Variants in FHOD1 observed in about 807,000 individuals in gnomAD.
FHOD1 encodes FH1/FH2 domain-containing protein 1.
Under a neutral mutation model 111.6 loss-of-function variants are expected in FHOD1, and 89 were observed. The ratio of observed to expected loss-of-function variants is 0.80; its 90% CI spans 0.67 to 0.95. FHOD1 has a LOEUF of 0.95. FHOD1 is among the 40% of genes least tolerant of loss of function. The pLI is 0.00. For synonymous variants in FHOD1, 618 were observed against 639.0 expected (o/e 0.97, Z 0.50); for missense variants, 1,446 against 1,554.2 (o/e 0.93, Z 1.17).
rs1276797977 is a variant in FHOD1 at position 67,239,367 on chromosome 16, C to T, written c.289G>A (p.Gly97Ser). 1 of 1,614,136 alleles carries T rather than the reference C, an allele frequency of 6.2e-7. No individual in the cohort carries two copies. The highest frequency in any genetic ancestry group is 1.1e-5 in the South Asian group (1 of 91,088). The change falls in exon 2 of 22, where the codon GGC becomes AGC. Residue 97 changes from glycine to serine, a missense_variant. Gly to Ser is a moderately conservative substitution (Grantham distance 56). Transcript: ENST00000258201. ...TCTGACCTGATCTCTTCATAGAAGCCCTCCAGCATCTCCCGCTGCTCTTCC... is the reference window on the plus strand; with the variant it reads ...TCTGACCTGATCTCTTCATAGAAGCTCTCCAGCATCTCCCGCTGCTCTTCC... ...SLEEQREMLEGFYEEISKGRK... is the reference protein window; with the variant it reads ...SLEEQREMLESFYEEISKGRK...
chr16:67,233,801 C>T lies in FHOD1; in HGVS notation c.1902G>A (p.Leu634=). Residue 634 remains leucine, a synonymous_variant, in exon 13 of 22, where the codon CTG becomes CTA. Coordinates refer to ENST00000258201, the MANE Select transcript of FHOD1 (RefSeq NM_013241.3). ...RKTVKLFWRE[L]KLAGGHGVSA... is the part of the protein sequence containing the mutation. ...AGACTCCATGGCCCCCAGCCAGCTTCAGCTCACGCCAGAAAAGTTTTACTG... is the reference window on the plus strand; with the variant it reads ...AGACTCCATGGCCCCCAGCCAGCTTTAGCTCACGCCAGAAAAGTTTTACTG... 6.2e-7 allele frequency: 1 copy of T among 1,613,778 alleles called. No homozygotes were observed. Among genetic ancestry groups the T allele is most frequent in the Non-Finnish European group, 8.5e-7 (1 of 1,179,980 alleles).
rs143599090 is a variant in FHOD1 at position 67,240,912 on chromosome 16, A to G, written c.202-1458T>C. ...GGTCTCCATCTTACTGGGCATGTCA[A>G]TTCCAACATTTGTCCTGCTGTTTGG... On this transcript the variant is annotated intron_variant, in intron 1 of 21. Transcript: ENST00000258201. Among the ~76,000 whole-genome samples the G allele has an allele frequency of 2.2e-4, 33 of 152,318 alleles. No homozygotes were observed. In the East Asian group the frequency reaches 3.1e-3, roughly 14 times the overall value.
In FHOD1 at chr16:67,231,223, A is replaced by G. The variant is rs2034255397; in HGVS notation, c.2632T>C (p.Tyr878His). 1 of 1,614,104 alleles carries G rather than the reference A, an allele frequency of 6.2e-7. No individual in the cohort carries two copies. The highest frequency in any genetic ancestry group is 1.7e-5 in the Admixed American group (1 of 60,010). ...LQTRPESSDL[Y>H]SEIPALTRCA... Reference sequence around the variant, plus strand: ...CGGGTCAGGGCAGGGATTTCTGAATAGAGGTCAGAGGACTCAGGCCGGGTC... The same window carrying G: ...CGGGTCAGGGCAGGGATTTCTGAATGGAGGTCAGAGGACTCAGGCCGGGTC... The change falls in exon 17 of 22, where the codon TAT becomes CAT. Residue 878 changes from tyrosine (Y) to histidine (H), a missense_variant. Tyr to His is a moderately conservative substitution (Grantham distance 83). Around this residue, in one of 3 missense-constraint regions of FHOD1, gnomAD observed 1,085 missense variants for 1,108.8 expected, o/e 0.98. Transcript: ENST00000258201. The surrounding 1 kb of genome is among the most constrained non-coding windows in gnomAD (Gnocchi z 4.3).
At position 67,236,984 on chromosome 16, in the gene FHOD1, G is replaced by C; in HGVS notation, c.1124C>G (p.Ala375Gly). The stretch of plus-strand genomic sequence containing the variant: ...TACTTACCCAGGTTCCGGGGCACGC[G>C]CGGGGCAGCCCCCGCCTTCCAGAGA... ...RRSLEGGGCP[A>G]RAPEPGPTGP... The change falls in exon 10 of 22, where the codon GCG becomes GGG. Residue 375 changes from alanine (A) to glycine (G), a missense_variant. Around this residue, in one of 3 missense-constraint regions of FHOD1, gnomAD observed 1,085 missense variants for 1,108.8 expected, o/e 0.98. Transcript: ENST00000258201. 1 of 1,598,638 alleles carries C rather than the reference G, an allele frequency of 6.3e-7. No individual in the cohort carries two copies. The highest frequency in any genetic ancestry group is 1.4e-5 in the African/African-American group (1 of 73,992).
Position 67,232,518 on chromosome 16 carries a change from CAAAAAAA to C in FHOD1, c.2047-331_2047-325del, listed in dbSNP as rs988902359. ...TGGGTGACTGAGCAAGACTCTGTCT[CAAAAAAA>C]AAAAAAAAAAAAAAAAGACTGAGGA... On this transcript the variant is annotated intron_variant, in intron 13 of 21. Transcript: ENST00000258201. Among the ~76,000 whole-genome samples the C allele has an allele frequency of 1.4e-4, 7 of 48,626 alleles. No individual in the cohort carries two copies. The South Asian group carries it at 2.0e-3, about 14-fold the overall frequency. 31.9% of individuals were successfully genotyped at this position (48,626 alleles called of 152,430 possible).
intron 1 of FHOD1, among the ~76,000 whole-genome samples, chr16:67,240,300 G>T (rs2034629874): frequency 6.6e-6 from 1 of 152,204 alleles, no homozygotes. Flanking sequence ...GCTGAGGAGG[G>T]TGGATCGCCT....
At position 67,231,510 on chromosome 16, in the gene FHOD1, C is replaced by T; in HGVS notation, c.2425G>A (p.Glu809Lys). 1.2e-6 allele frequency: 2 copies of T among 1,614,146 alleles called. No homozygotes were observed. Among genetic ancestry groups the T allele is most frequent in the Non-Finnish European group, 8.5e-7 (1 of 1,180,018 alleles). The change falls in exon 16 of 22, where the codon GAA becomes AAA. Residue 809 changes from glutamate (E) to lysine (K), a missense_variant. This residue lies in a region of FHOD1 where 1,085 missense variants were observed against 1,108.8 expected (regional missense o/e 0.98). Coordinates refer to ENST00000258201, the MANE Select transcript of FHOD1 (RefSeq NM_013241.3). The surrounding 1 kb of genome is among the most constrained non-coding windows in gnomAD (Gnocchi z 4.3). The part of the protein sequence containing the change: ...EPLFDLKVGM[E>K]QLVQNATFRC... ...AAGGTGGCATTCTGTACCAGCTGTT[C>T]CATACCCACTTTCAGGTCAAACAGT...
At chr16:67,229,761 G>A in intron 21 of FHOD1, 32 bp downstream of exon 21, 1 of 1,614,140 alleles carries the variant, frequency 6.2e-7, no homozygotes, top group Non-Finnish European at 8.5e-7. Flanking sequence ...ATGGGGTTCA[G>A]GTGGGCAGTG....
chr16:67,235,147 G>C (rs992244785), intron 11 of FHOD1, among the ~76,000 whole-genome samples: 1 of 152,182 alleles, frequency 6.6e-6, no homozygotes, highest in African/African-American at 2.4e-5. Context: ...CTTAGAGCAG[G>C]GGAAGGGGAT....
Position 67,231,923 on chromosome 16 carries a change from G to A in FHOD1, c.2203-104C>T. 2.6e-6 allele frequency: 4 copies of A among 1,540,868 alleles called. No homozygotes were observed. Among genetic ancestry groups the A allele is most frequent in the Non-Finnish European group, 3.5e-6 (4 of 1,138,318 alleles). ...CATCTAGGGGAGGCCCCAGTGTCTG[G>A]GGACTGCCCTGCAGAAATGCCAAGC... On this transcript the variant is annotated intron_variant, in intron 14 of 21. Transcript: ENST00000258201. This position sits in a 1 kb window ranked among gnomAD's most constrained non-coding sequence, Gnocchi z 4.3.
At position 67,230,793 on chromosome 16, in the gene FHOD1, T is replaced by C; in HGVS notation, c.2668-2A>G. ...CTCAGTCAGCTGTTCAAAGTCCACCTGAGAAAGCAAGGGGGTGCACATACT... is the reference window on the plus strand; with the variant it reads ...CTCAGTCAGCTGTTCAAAGTCCACCCGAGAAAGCAAGGGGGTGCACATACT... On this transcript the variant is annotated splice_acceptor_variant, in intron 17 of 21. Coordinates refer to ENST00000258201, the MANE Select transcript of FHOD1 (RefSeq NM_013241.3). LOFTEE classifies it high-confidence loss of function. 6.3e-7 allele frequency: 1 copy of C among 1,585,464 alleles called. No individual in the cohort carries two copies. Among genetic ancestry groups the C allele is most frequent in the Non-Finnish European group, 8.6e-7 (1 of 1,165,288 alleles).
intron 13 of FHOD1, 77 bp from the exon 14 acceptor site, chr16:67,232,271 A>C (rs1432891703): frequency 1.0e-5 from 15 of 1,505,648 alleles, no homozygotes; most frequent in African/African-American, 1.4e-5. Context: ...TAATCCCAGC[A>C]CTTTGGGAGG....
At position 67,236,689 on chromosome 16, in the gene FHOD1, C is replaced by G. The variant is rs1226615994; in HGVS notation, c.1187G>C (p.Gly396Ala). 1 of 1,591,344 alleles carries G rather than the reference C, an allele frequency of 6.3e-7. No individual in the cohort carries two copies. The highest frequency in any genetic ancestry group is 8.6e-7 in the Non-Finnish European group (1 of 1,168,810). Residue 396 changes from glycine (G) to alanine (A), a missense_variant, in exon 11 of 22, where the codon GGC becomes GCC. Transcript: ENST00000258201. The stretch of plus-strand genomic sequence containing the variant: ...GGCGGGGCCTGTCAGCAGGGCGGGG[C>G]CGGTGGAAGAGGTGGGGCCTACCGG... ...ASPVGPTSST[G>A]PALLTGPASS...
Position 67,237,826 on chromosome 16 carries a change from TGCTGGGGAAGGGGAAGGGCTGCTGGG to T in FHOD1, c.643-84_643-59del. 1.3e-6 allele frequency: 2 copies of T among 1,519,330 alleles called. No homozygotes were observed. Among genetic ancestry groups the T allele is most frequent in the Non-Finnish European group, 1.8e-6 (2 of 1,094,842 alleles). The allele number at this position is 1,519,330 out of a possible 1,614,324, so 94.1% of individuals were successfully genotyped here. On this transcript the variant is annotated intron_variant, in intron 6 of 21. Coordinates refer to ENST00000258201, the MANE Select transcript of FHOD1 (RefSeq NM_013241.3). The surrounding 1 kb of genome is among the most constrained non-coding windows in gnomAD (Gnocchi z 5.6). The stretch of plus-strand genomic sequence containing the variant: ...CTTAGGCCAGACCTGTGCCAGCTGT[TGCTGGGGAAGGGGAAGGGCTGCTGGG>T]GCTGGACCCAGAGAGAATCTAGGCA...
chr16:67,244,822 G>A (rs2034766181), intron 1 of FHOD1, among the ~76,000 whole-genome samples: 1 of 152,152 alleles, frequency 6.6e-6, no homozygotes, highest in Admixed American at 6.5e-5. Flanking sequence ...TCTTATTTCT[G>A]CCCTACAGCT....
intron 11 of FHOD1, chr16:67,234,856 C>G: frequency 5.9e-6 from 1 of 170,426 alleles, no homozygotes; most frequent in Non-Finnish European, 1.3e-5. Context: ...TGCAGCCTCA[C>G]TCTCCTGGGC....
intron 1 of FHOD1, among the ~76,000 whole-genome samples, chr16:67,241,959 T>C (rs2034679882): frequency 6.6e-6 from 1 of 151,872 alleles, no homozygotes; most frequent in African/African-American, 2.4e-5. Flanking sequence ...GTCCTGAAGG[T>C]TAAATAGTCC....
chr16:67,232,816 ATTTTT>A (rs569365125), intron 13 of FHOD1, among the ~76,000 whole-genome samples: 1 of 144,716 alleles, frequency 6.9e-6, no homozygotes, highest in African/African-American at 2.5e-5. Context: ...ATACCCAACT[ATTTTT>A]TTTTTTAACA....
chr16:67,233,750 G>A lies in FHOD1; in HGVS notation c.1953C>T (p.Ala651=). ...CAGGGTCCAGTGAAGCCCAGAGGGT[G>A]GCGCAGGGCCCAAAGCGGCTTGCAG... is the stretch of plus-strand genomic sequence containing the variant. The part of the protein sequence containing the change: ...GVSASRFGPC[A]TLWASLDPVS... Residue 651 remains alanine, a synonymous_variant, in exon 13 of 22, where the codon GCC becomes GCT. Coordinates refer to ENST00000258201, the MANE Select transcript of FHOD1 (RefSeq NM_013241.3). 3 of 1,613,994 alleles carry A rather than the reference G, an allele frequency of 1.9e-6. No individual in the cohort carries two copies. The highest frequency in any genetic ancestry group is 1.1e-5 in the South Asian group (1 of 91,078).
Sources: allele counts gnomAD v4.1 joint callset (sites outside exome capture counted in the v4.1 genomes callset), GRCh38; gene constraint gnomAD v4.1.1; regional missense constraint gnomAD v4.1.1; non-coding constraint Gnocchi (gnomAD v3.1); transcripts MANE v1.5; gene names NCBI Gene and HGNC (gene_info 2026-07-23, HGNC 2026-07-21).